The following ADPRHL1 variants were observed in gnomAD, a reference collection of about 807,000 sequenced individuals.
The protein encoded by ADPRHL1 is inactive ADP-ribosyltransferase ARH2.
Under a neutral mutation model 44.1 loss-of-function variants are expected in ADPRHL1, and 43 were observed. The ratio of observed to expected loss-of-function variants is 0.98; its 90% CI spans 0.76 to 1.26. The LOEUF (loss-of-function observed/expected upper bound fraction) is 1.26. ADPRHL1 is among the 50% of genes most tolerant of loss of function. ADPRHL1 has a pLI of 0.00. For missense variants in ADPRHL1, 2,022 were observed against 2,496.9 expected, an observed-to-expected ratio of 0.81 and a Z score of 4.05; for synonymous variants, 878 against 1,017.4, an observed-to-expected ratio of 0.86 and a Z score of 2.61.
intron 4 of ADPRHL1, among the ~76,000 whole-genome samples, chr13:113,427,669 C>T (rs1454754828): frequency 6.6e-6 from 1 of 152,166 alleles, no homozygotes; most frequent in Non-Finnish European, 1.5e-5. Context: ...AGAGATGAAA[C>T]CACTGGAAAC....
chr13:113,403,203 C>A lies in ADPRHL1; in HGVS notation c.*175G>T. ...CTCTGTGGGGTGACAGGAACCCGAC[C>A]CACATGTAGCTCAATCCTCCCAAGG... On this transcript the variant is annotated 3_prime_UTR_variant, in exon 8 of 8. Coordinates refer to ENST00000612156, the MANE Select transcript of ADPRHL1 (RefSeq NM_001394807.1). 1 of 539,788 alleles carries A rather than the reference C, an allele frequency of 1.9e-6. No homozygotes were observed. The highest frequency in any genetic ancestry group is 2.8e-6 in the Non-Finnish European group (1 of 358,016). 33.4% of individuals were successfully genotyped at this position (539,788 alleles called of 1,614,324 possible).
intron 1 of ADPRHL1, among the ~76,000 whole-genome samples, chr13:113,446,777 G>A (rs569059167): frequency 6.6e-6 from 1 of 152,256 alleles, no homozygotes; most frequent in South Asian, 2.1e-4. Context: ...TTGTCATACA[G>A]GCATGGCTTT....
At chr13:113,430,069 C>T (rs1298461418) in intron 3 of ADPRHL1, among the ~76,000 whole-genome samples, 1 of 152,254 alleles carries the variant, frequency 6.6e-6, no homozygotes, top group Non-Finnish European at 1.5e-5. Context: ...GCAGTCCACA[C>T]AGCCAGCCCT....
At chr13:113,444,317 C>A in intron 2 of ADPRHL1, 108 bp downstream of exon 2, 1 of 1,447,218 alleles carries the variant, frequency 6.9e-7, no homozygotes, top group Non-Finnish European at 9.4e-7. Context: ...CAGATCCGGC[C>A]TCACTGAAGC....
At position 113,425,077 on chromosome 13, in the gene ADPRHL1, T is replaced by A. The variant is rs1197791531; in HGVS notation, c.749A>T (p.Asn250Ile). 6.2e-7 allele frequency: 1 copy of A among 1,613,536 alleles called. No individual in the cohort carries two copies. The highest frequency in any genetic ancestry group is 1.3e-5 in the African/African-American group (1 of 74,874). ...CTTTTCCCTCTCTTCTGCATCATAA[T>A]TGTCGGGGAAGATGGCTTTATTTTC... ...DSENKAIFPD[N>I]YDAEEREKTY... Residue 250 changes from asparagine to isoleucine, a missense_variant, in exon 5 of 8, where the codon AAT (asparagine) becomes ATT (isoleucine). Around this residue, in one of 8 missense-constraint regions of ADPRHL1, gnomAD observed 437 missense variants for 430.7 expected, o/e 1.01. Transcript: ENST00000612156.
intron 3 of ADPRHL1, among the ~76,000 whole-genome samples, 161 bp downstream of exon 3, chr13:113,433,581 C>G (rs1259184789): frequency 6.6e-6 from 1 of 152,232 alleles, no homozygotes; most frequent in Non-Finnish European, 1.5e-5. Flanking sequence ...CAGCAGGCAG[C>G]CGGCAGGTGC....
intron 7 of ADPRHL1, among the ~76,000 whole-genome samples, chr13:113,421,343 C>A (rs1193698697): frequency 7.8e-6 from 1 of 127,722 alleles, no homozygotes; most frequent in Non-Finnish European, 1.6e-5. Context: ...ACCCCCGGGA[C>A]ACGCCCACTC....
rs1159131760 is a variant in ADPRHL1, at chr13:113,404,808, C to T, written c.4474G>A (p.Val1492Ile). 12 of 1,256,082 alleles carry T rather than the reference C, an allele frequency of 9.6e-6. No individual in the cohort carries two copies. In the East Asian group the frequency reaches 1.6e-4, roughly 16 times the overall value. 77.8% of individuals were successfully genotyped at this position (1,256,082 alleles called of 1,614,324 possible). ...ACCTGTCCCCGGTCCCATTCCTGAACCTGTTTCTGGGCCTGTCCTTGGGCT... is the reference window on the plus strand; with the variant it reads ...ACCTGTCCCCGGTCCCATTCCTGAATCTGTTTCTGGGCCTGTCCTTGGGCT... Reference protein sequence around the residue: ...PAAQGQAQKQVQEWDRGQVQG... With the variant: ...PAAQGQAQKQIQEWDRGQVQG... The change falls in exon 8 of 8, where the codon GTT (valine) becomes ATT (isoleucine). Residue 1492 changes from valine (V) to isoleucine (I), a missense_variant. Coordinates refer to ENST00000612156, the MANE Select transcript of ADPRHL1 (RefSeq NM_001394807.1).
chr13:113,453,353 C>T lies in ADPRHL1; in HGVS notation c.85G>A (p.Val29Ile), dbSNP rs748247921. ...AGCTCCTCCTGGATCTTCATGCCTA[C>T]AGTGCTGTTCTCCTTGCAGACATTT... ...YRNVCKENST[V>I]GMKIQEELQR... The change falls in exon 1 of 8, where the codon GTA (valine) becomes ATA (isoleucine). Residue 29 changes from valine (V) to isoleucine (I), a missense_variant. Coordinates refer to ENST00000612156, the MANE Select transcript of ADPRHL1 (RefSeq NM_001394807.1). The surrounding 1 kb of genome is among the most constrained non-coding windows in gnomAD (Gnocchi z 5.4). The T allele has an allele frequency of 6.2e-7, 1 of 1,614,222 alleles. No homozygotes were observed. Among genetic ancestry groups the T allele is most frequent in the Non-Finnish European group, 8.5e-7 (1 of 1,180,048 alleles).
intron 7 of ADPRHL1, among the ~76,000 whole-genome samples, chr13:113,416,538 A>T (rs1470155844): frequency 6.6e-6 from 1 of 152,168 alleles, no homozygotes; most frequent in Admixed American, 6.5e-5. Context: ...CTGCCGCCTA[A>T]TTACAGCAAC....
In ADPRHL1 at chr13:113,403,546, AG is replaced by A. The variant is rs1385895986; in HGVS notation, c.5735del (p.Ala1912ValfsTer44). On this transcript the variant is annotated frameshift_variant, in exon 8 of 8. Transcript: ENST00000612156. LOFTEE classifies it low-confidence loss of function (END_TRUNC). ...AQEGSPDHPG[A>X]ERALQDRMEA... ...CCATCCTGTCCTGCAGGGCCCTCTC[AG>A]CCCCAGGGTGGTCTGGGGACCCCTC... is the stretch of plus-strand genomic sequence containing the variant. 1 of 1,231,666 alleles carries A rather than the reference AG, an allele frequency of 8.1e-7. No individual in the cohort carries two copies. The highest frequency in any genetic ancestry group is 1.0e-6 in the Non-Finnish European group (1 of 987,924). The allele number at this position is 1,231,666 out of a possible 1,614,324, so 76.3% of individuals were successfully genotyped here.
Position 113,452,510 on chromosome 13 carries a change from C to A in ADPRHL1, c.214+714G>T, listed in dbSNP as rs551129110. On this transcript the variant is annotated intron_variant, in intron 1 of 7. Transcript: ENST00000612156. ...CCCACGGGGTTTTGAAGAGCAAATG[C>A]CTCGTAGGAAAGCTGGACTGCATGT... Among the ~76,000 whole-genome samples the A allele has an allele frequency of 3.9e-5, 6 of 152,278 alleles. No individual in the cohort carries two copies. The East Asian group carries it at 1.2e-3, about 29-fold the overall frequency.
intron 2 of ADPRHL1, among the ~76,000 whole-genome samples, chr13:113,434,729 GGC>G (rs2044035963): frequency 3.5e-4 from 38 of 109,814 alleles, no homozygotes; most frequent in Non-Finnish European, 5.0e-4. Context: ...CCGGCACCCA[GGC>G]GTAGAGTGAA....
intron 2 of ADPRHL1, among the ~76,000 whole-genome samples, chr13:113,437,646 T>C (rs1052089912): frequency 6.6e-6 from 1 of 152,188 alleles, no homozygotes; most frequent in Non-Finnish European, 1.5e-5. Context: ...AGTGATTCCT[T>C]TTTATGGCTG....
chr13:113,449,582 G>A (rs1357471049), intron 1 of ADPRHL1, among the ~76,000 whole-genome samples: 1 of 145,488 alleles, frequency 6.9e-6, no homozygotes, highest in Non-Finnish European at 1.5e-5. Flanking sequence ...GAGGCAGCCC[G>A]GTTCAGAGAG....
chr13:113,446,323 A>G (rs1030581488), intron 1 of ADPRHL1, among the ~76,000 whole-genome samples: 2 of 149,912 alleles, frequency 1.3e-5, no homozygotes, highest in African/African-American at 4.9e-5. Context: ...CATGGCTGTG[A>G]ACCCCCCAGA....
intron 2 of ADPRHL1, among the ~76,000 whole-genome samples, chr13:113,438,199 C>T (rs1379386200): frequency 6.6e-6 from 1 of 152,138 alleles, no homozygotes; most frequent in Non-Finnish European, 1.5e-5. Flanking sequence ...CATTTGATGT[C>T]CCTCCAGTAG....
At chr13:113,435,444 G>A (rs1235654677) in intron 2 of ADPRHL1, among the ~76,000 whole-genome samples, 41 of 116,282 alleles carry the variant, frequency 3.5e-4, no homozygotes, top group South Asian at 6.3e-4. Flanking sequence ...CAGCACCCAG[G>A]TGTAGAGTGA....
Position 113,403,861 on chromosome 13 carries a change from C to T in ADPRHL1, c.5421G>A (p.Gln1807=), listed in dbSNP as rs2043782642. ...GAGGCGCCATCCCACTTGTCAAGGC[C>T]TGTTCCCGACCCTGTTCCCAAGCCC... ...QERAWEQGRE[Q]ALTSGMAPRA... The change falls in exon 8 of 8, where the codon CAG becomes CAA. Residue 1807 remains glutamine (Q), a synonymous_variant. Coordinates refer to ENST00000612156, the MANE Select transcript of ADPRHL1 (RefSeq NM_001394807.1). 5.4e-5 allele frequency: 68 copies of T among 1,248,380 alleles called. No homozygotes were observed. In the Middle Eastern group the frequency reaches 9.1e-4, roughly 17 times the overall value. The allele number at this position is 1,248,380 out of a possible 1,614,324, so 77.3% of individuals were successfully genotyped here.
Sources: gnomAD v4.1 joint callset for allele counts (sites outside exome capture counted in the v4.1 genomes callset) on GRCh38, gnomAD v4.1.1 for gene constraint, gnomAD v4.1.1 regional missense constraint, Gnocchi (gnomAD v3.1) non-coding constraint, MANE v1.5 for transcripts, NCBI Gene and HGNC (gene_info 2026-07-23, HGNC 2026-07-21) for gene names.